Variants in CTXND1 observed in about 807,000 individuals in gnomAD.
CTXND1 encodes the protein cortexin domain containing 1, also known as cortexin domain-containing 1 protein.
chr15:80,240,476 A>T (rs1402845473), intron 1 of CTXND1, among the ~76,000 whole-genome samples: 1 of 152,120 alleles, frequency 6.6e-6, no homozygotes, highest in African/African-American at 2.4e-5. Flanking sequence ...ATTGAATTGC[A>T]TGCTTGACTT....
intron 1 of CTXND1, among the ~76,000 whole-genome samples, chr15:80,206,132 T>A (rs906245368): frequency 6.6e-6 from 1 of 152,208 alleles, no homozygotes; most frequent in African/African-American, 2.4e-5. Flanking sequence ...CTATCCATCC[T>A]TTTTATTTTT....
Position 80,246,499 on chromosome 15 carries a change from C to T in CTXND1, c.-218+5508G>A, listed in dbSNP as rs181306601. On this transcript the variant is annotated intron_variant, in intron 1 of 2. Transcript: ENST00000560778. ...TACTGGCAGTGCTGACAGCCGACTGCGTCATGACATTGGAGGCAGCAGGAA... is the reference window on the plus strand; with the variant it reads ...TACTGGCAGTGCTGACAGCCGACTGTGTCATGACATTGGAGGCAGCAGGAA... Among the ~76,000 whole-genome samples the T allele has an allele frequency of 3.9e-3, 597 of 152,310 alleles. 6 individuals carry two copies. The highest frequency in any genetic ancestry group is 0.014 in the African/African-American group (562 of 41,562).
intron 1 of CTXND1, among the ~76,000 whole-genome samples, chr15:80,238,534 G>C (rs1186009501): frequency 2.7e-5 from 4 of 150,678 alleles, no homozygotes; most frequent in Admixed American, 6.6e-5. Flanking sequence ...GCCCAGGCTG[G>C]AGTGCAGTGG....
intron 1 of CTXND1, among the ~76,000 whole-genome samples, chr15:80,251,022 A>G (rs889612177): frequency 3.3e-5 from 5 of 152,172 alleles, no homozygotes; most frequent in Non-Finnish European, 4.4e-5. Flanking sequence ...GAATCCTCTG[A>G]TTAGAATCAG....
chr15:80,222,737 T>C (rs549112491), intron 1 of CTXND1, among the ~76,000 whole-genome samples: 1 of 152,206 alleles, frequency 6.6e-6, no homozygotes, highest in Non-Finnish European at 1.5e-5. Flanking sequence ...ATTGTTGTTC[T>C]ATAATGCTTT....
At chr15:80,206,577 T>G (rs1480179747) in intron 1 of CTXND1, among the ~76,000 whole-genome samples, 1 of 152,210 alleles carries the variant, frequency 6.6e-6, no homozygotes, top group African/African-American at 2.4e-5. Context: ...TACTCTTATT[T>G]TCTCTTCCAC....
chr15:80,221,189 G>A (rs1263180965), intron 1 of CTXND1, among the ~76,000 whole-genome samples: 1 of 152,098 alleles, frequency 6.6e-6, no homozygotes, highest in Non-Finnish European at 1.5e-5. Flanking sequence ...GATTACAGGC[G>A]TGAGCCACCA....
chr15:80,219,302 T>G (rs1022232453), intron 1 of CTXND1, among the ~76,000 whole-genome samples: 5 of 152,114 alleles, frequency 3.3e-5, no homozygotes, highest in Non-Finnish European at 7.4e-5. Flanking sequence ...ATCTTGCTAC[T>G]TGCTTTTTCA....
intron 1 of CTXND1, among the ~76,000 whole-genome samples, chr15:80,208,467 CT>C (rs1281474222): frequency 6.6e-6 from 1 of 151,962 alleles, no homozygotes; most frequent in Non-Finnish European, 1.5e-5. Flanking sequence ...GCTTTAATTG[CT>C]TTTTTTTGTT....
intron 1 of CTXND1, among the ~76,000 whole-genome samples, chr15:80,214,589 A>G (rs1893233146): frequency 6.6e-6 from 1 of 152,182 alleles, no homozygotes; most frequent in Admixed American, 6.5e-5. Context: ...AAATTACTAT[A>G]ATAAGAATAC....
At chr15:80,230,980 G>A (rs1203351730) in intron 1 of CTXND1, among the ~76,000 whole-genome samples, 1 of 151,968 alleles carries the variant, frequency 6.6e-6, no homozygotes, top group Non-Finnish European at 1.5e-5. Flanking sequence ...ATCGCTTGAA[G>A]CCTGGAGTCA....
chr15:80,203,977 A>G (rs1893115244), intron 1 of CTXND1, among the ~76,000 whole-genome samples: 1 of 150,964 alleles, frequency 6.6e-6, no homozygotes, highest in East Asian at 2.0e-4. Context: ...CGAGACCAGC[A>G]TGGTGAAATC....
intron 1 of CTXND1, among the ~76,000 whole-genome samples, chr15:80,204,106 C>G (rs1466093115): frequency 1.5e-5 from 2 of 132,080 alleles, no homozygotes; most frequent in Non-Finnish European, 3.1e-5. Context: ...GAGGTTGCGC[C>G]GCTGCACTCC....
intron 1 of CTXND1, among the ~76,000 whole-genome samples, chr15:80,232,210 G>A (rs1200255792): frequency 6.6e-6 from 1 of 152,096 alleles, no homozygotes; most frequent in Non-Finnish European, 1.5e-5. Context: ...TGTGCTGTGT[G>A]GGAAATTCTC....
At chr15:80,208,042 C>T (rs1289126462) in intron 1 of CTXND1, among the ~76,000 whole-genome samples, 1 of 152,246 alleles carries the variant, frequency 6.6e-6, no homozygotes, top group East Asian at 1.9e-4. Flanking sequence ...TTAATAGCCA[C>T]TCACAACTAT....
chr15:80,232,675 C>T (rs1167135263), intron 1 of CTXND1, among the ~76,000 whole-genome samples: 1 of 152,142 alleles, frequency 6.6e-6, no homozygotes, highest in Non-Finnish European at 1.5e-5. Context: ...TGCCCTGAAG[C>T]CCCCAAATAA....
At chr15:80,223,085 C>T (rs1478639591) in intron 1 of CTXND1, among the ~76,000 whole-genome samples, 12 of 152,072 alleles carry the variant, frequency 7.9e-5, no homozygotes, top group Non-Finnish European at 2.9e-5. Flanking sequence ...TATTTATTTA[C>T]TTATTTTTTT....
At chr15:80,248,211 G>A (rs796418080) in intron 1 of CTXND1, among the ~76,000 whole-genome samples, 38 of 152,232 alleles carry the variant, frequency 2.5e-4, no homozygotes, top group Non-Finnish European at 3.2e-4. Flanking sequence ...TGTCCTGGTC[G>A]TACAAGTCAT....
chr15:80,235,788 T>C (rs1893488336), intron 1 of CTXND1, among the ~76,000 whole-genome samples: 2 of 151,936 alleles, frequency 1.3e-5, no homozygotes, highest in African/African-American at 2.4e-5. Context: ...AATGTGGCTC[T>C]GCCCCTCACT....
Sources: allele counts gnomAD v4.1 joint callset (sites outside exome capture counted in the v4.1 genomes callset), GRCh38; gene constraint gnomAD v4.1.1; transcripts MANE v1.5; gene names NCBI Gene and HGNC (gene_info 2026-07-23, HGNC 2026-07-21).